EFCAB13: variants seen among roughly 807,000 people sequenced by gnomAD.
The protein encoded by EFCAB13 is EF-hand calcium-binding domain-containing protein 13.
EFCAB13 carries 91 observed loss-of-function variants against 110.2 expected under a neutral mutation model. The observed-to-expected ratio is 0.83, with a 90% CI of 0.70 to 0.98. The LOEUF is 0.98. EFCAB13 is among the 50% of genes least tolerant of loss of function. EFCAB13 has a pLI of 0.00. For missense variants in EFCAB13, 968 were observed against 1,119.4 expected (o/e 0.86, Z 1.93); for synonymous variants, 323 against 369.9 (o/e 0.87, Z 1.45).
intron 2 of EFCAB13, among the ~76,000 whole-genome samples, chr17:47,325,925 TATATATATATATATATATATA>T (rs1318471110): frequency 5.1e-5 from 1 of 19,678 alleles, no homozygotes; most frequent in Non-Finnish European, 1.2e-4. Context: ...ATAAACAAAA[TATATATATATATATATATATA>T]TATATATATA....
intron 9 of EFCAB13, among the ~76,000 whole-genome samples, chr17:47,359,517 GT>G (rs71141905): frequency 0.091 from 11,593 of 127,016 alleles, 526 homozygotes; most frequent in East Asian, 0.33. Flanking sequence ...TGGGAATTGT[GT>G]TTTTTTTTTT....
At chr17:47,361,162 C>T (rs764642741) in intron 9 of EFCAB13, among the ~76,000 whole-genome samples, 12 of 152,102 alleles carry the variant, frequency 7.9e-5, no homozygotes, top group Non-Finnish European at 1.6e-4. Context: ...GGATTGTTAA[C>T]ATAAGAATAT....
intron 21 of EFCAB13, among the ~76,000 whole-genome samples, chr17:47,411,370 C>G (rs897688342): frequency 6.6e-5 from 10 of 152,192 alleles, no homozygotes; most frequent in Admixed American, 4.6e-4. Context: ...CATTTCCCCC[C>G]CAAACTCAGT....
intron 10 of EFCAB13, among the ~76,000 whole-genome samples, chr17:47,369,369 T>C (rs1370422772): frequency 6.6e-6 from 1 of 152,180 alleles, no homozygotes; most frequent in Non-Finnish European, 1.5e-5. Context: ...AGGAAACCAT[T>C]GGCAATACAA....
rs771885216 is a variant in EFCAB13, at chr17:47,345,514, T to C, written c.517+416T>C. Among the ~76,000 whole-genome samples the C allele has an allele frequency of 3.9e-4, 59 of 152,276 alleles. 1 individual carries two copies. The Middle Eastern group carries it at 0.02, about 53-fold the overall frequency. On this transcript the variant is annotated intron_variant, in intron 8 of 24. Coordinates refer to ENST00000331493, the MANE Select transcript of EFCAB13 (RefSeq NM_152347.5). ...ATCTTGGGTTTCTCCTTTATACTTA[T>C]GGAATAATTTCACATAGTTTTCCTT... is the stretch of plus-strand genomic sequence containing the variant.
rs913124713 is a variant in EFCAB13 at position 47,405,692 on chromosome 17, T to C, written c.2233+1059T>C. ...TTGTATATATGGTTATTTCTCATTC[T>C]TAAATTTATATATATAGGTATATAT... is the stretch of plus-strand genomic sequence containing the variant. On this transcript the variant is annotated intron_variant, in intron 20 of 24. Transcript: ENST00000331493. Among the ~76,000 whole-genome samples, 182 of 151,788 alleles carry C rather than the reference T, an allele frequency of 1.2e-3. 1 individual carries two copies. The highest frequency in any genetic ancestry group is 6.8e-3 in the Middle Eastern group (2 of 294).
intron 17 of EFCAB13, among the ~76,000 whole-genome samples, chr17:47,401,640 CTTTTT>C (rs763737651): frequency 2.4e-5 from 2 of 84,522 alleles, no homozygotes; most frequent in Admixed American, 2.9e-4. Flanking sequence ...CTCAGCCTGA[CTTTTT>C]TTTTTTTTTT....
chr17:47,379,171 T>C lies in EFCAB13; in HGVS notation c.1511-11T>C, dbSNP rs780127720. On this transcript the variant is annotated splice_polypyrimidine_tract_variant and intron_variant, in intron 13 of 24. Coordinates refer to ENST00000331493, the MANE Select transcript of EFCAB13 (RefSeq NM_152347.5). ...ACCAGAATGTATAATCTAAACTCTT[T>C]TTAAAAACAGAGAATGGAATGGTGG... 28 of 1,611,142 alleles carry C rather than the reference T, an allele frequency of 1.7e-5. No individual in the cohort carries two copies. Among genetic ancestry groups the C allele is most frequent in the Middle Eastern group, 3.3e-4 (2 of 6,044 alleles).
At position 47,399,714 on chromosome 17, in the gene EFCAB13, G is replaced by GTGGTA. The variant is rs148274517; in HGVS notation, c.1946-2416_1946-2412dup. On this transcript the variant is annotated intron_variant, in intron 17 of 24. Coordinates refer to ENST00000331493, the MANE Select transcript of EFCAB13 (RefSeq NM_152347.5). The stretch of plus-strand genomic sequence containing the variant: ...TTGAAGAGTGAGTTCTTGGTTATTG[G>GTGGTA]TGGTATTCCATGTTGACTCCTTAAT... Among the ~76,000 whole-genome samples, 1,318 of 151,914 alleles carry GTGGTA rather than the reference G, an allele frequency of 8.7e-3. 18 individuals carry two copies. The highest frequency in any genetic ancestry group is 0.03 in the African/African-American group (1,263 of 41,476).
intron 14 of EFCAB13, among the ~76,000 whole-genome samples, chr17:47,382,268 G>A (rs1232049892): frequency 2.6e-5 from 4 of 152,118 alleles, no homozygotes; most frequent in African/African-American, 9.7e-5. Flanking sequence ...TGAGACGATG[G>A]GGTTTTCTAG....
intron 8 of EFCAB13, among the ~76,000 whole-genome samples, chr17:47,346,435 C>CG (rs1014058928): frequency 1.9e-5 from 2 of 104,224 alleles, no homozygotes; most frequent in Non-Finnish European, 4.0e-5. Flanking sequence ...CGTACTTTAC[C>CG]CCCCCCCCCA....
At chr17:47,424,494 A>G (rs1425563861) in intron 23 of EFCAB13, among the ~76,000 whole-genome samples, 1 of 152,192 alleles carries the variant, frequency 6.6e-6, no homozygotes, top group African/African-American at 2.4e-5. Flanking sequence ...GGCAGAAAAG[A>G]CCACTGAATC....
intron 23 of EFCAB13, among the ~76,000 whole-genome samples, chr17:47,420,681 G>A (rs375085854): frequency 0.014 from 1,930 of 135,196 alleles, 41 homozygotes; most frequent in East Asian, 0.075. Flanking sequence ...CGGCCGCCCC[G>A]TCTGAGAAGT....
chr17:47,426,005 T>C (rs1341673584), intron 23 of EFCAB13, among the ~76,000 whole-genome samples: 1 of 152,212 alleles, frequency 6.6e-6, no homozygotes, highest in East Asian at 1.9e-4. Flanking sequence ...TTTATCATGA[T>C]ATTTTTAGTA....
intron 23 of EFCAB13, among the ~76,000 whole-genome samples, chr17:47,416,582 T>TC (rs1904455371): frequency 6.6e-6 from 1 of 152,060 alleles, no homozygotes; most frequent in African/African-American, 2.4e-5. Context: ...TTTCCCCTTC[T>TC]CCCCCTCCCC....
At chr17:47,326,072 A>G (rs2065284611) in intron 2 of EFCAB13, among the ~76,000 whole-genome samples, 154 bp from the exon 3 acceptor site, 1 of 151,404 alleles carries the variant, frequency 6.6e-6, no homozygotes, top group Non-Finnish European at 1.5e-5. Flanking sequence ...AGGTGAATGG[A>G]TAGATGACTG....
chr17:47,409,139 G>A (rs1280589820), intron 20 of EFCAB13, among the ~76,000 whole-genome samples: 2 of 151,670 alleles, frequency 1.3e-5, no homozygotes, highest in African/African-American at 2.4e-5. Context: ...TATTTCTATC[G>A]TTTGTTCCTC....
At chr17:47,361,094 G>A (rs2065510036) in intron 9 of EFCAB13, among the ~76,000 whole-genome samples, 1 of 152,166 alleles carries the variant, frequency 6.6e-6, no homozygotes, top group African/African-American at 2.4e-5. Context: ...TCGCTAGTCA[G>A]GGCCATGCTG....
chr17:47,383,740 A>G (rs1017675366), intron 14 of EFCAB13, among the ~76,000 whole-genome samples: 26 of 152,314 alleles, frequency 1.7e-4, no homozygotes, highest in African/African-American at 5.8e-4. Flanking sequence ...TGCTGAGAAG[A>G]GTGCATATTC....
Sources: gnomAD v4.1 joint callset for allele counts (sites outside exome capture counted in the v4.1 genomes callset) on GRCh38, gnomAD v4.1.1 for gene constraint, MANE v1.5 for transcripts, NCBI Gene and HGNC (gene_info 2026-07-23, HGNC 2026-07-21) for gene names.